Variants in FOXP4 observed in about 807,000 individuals in gnomAD.
FOXP4 encodes the protein forkhead box P4, also known as forkhead box protein P4.
In FOXP4, 25 loss-of-function variants were observed where a neutral mutation model predicts 82.6. The ratio of observed to expected loss-of-function variants is 0.30; its 90% confidence interval spans 0.22 to 0.42. FOXP4 has a LOEUF of 0.42. FOXP4 is among the 10% of genes least tolerant of loss of function. FOXP4 has a pLI of 1.00. For missense variants in FOXP4, 785 were observed against 900.9 expected (o/e 0.87, Z 1.65); for synonymous variants, 415 against 388.2 (o/e 1.07, Z -0.81).
intron 3 of FOXP4, among the ~76,000 whole-genome samples, chr6:41,581,232 C>T (rs1037877725): frequency 1.3e-5 from 2 of 152,206 alleles, no homozygotes; most frequent in African/African-American, 4.8e-5. Context: ...CCCCACATTG[C>T]CCCCCACTCA....
intron 12 of FOXP4, among the ~76,000 whole-genome samples, chr6:41,590,847 G>A (rs1228088470): frequency 6.6e-6 from 1 of 152,146 alleles, no homozygotes; most frequent in Non-Finnish European, 1.5e-5. Flanking sequence ...GCCAAAATCA[G>A]GATAAATTCC....
rs1482547481 is a variant in FOXP4, at chr6:41,594,926, C to T, written c.1593C>T (p.Val531=). The change falls in exon 14 of 17, where the codon GTC becomes GTT. Residue 531 remains valine, a synonymous_variant. Coordinates refer to ENST00000307972, the MANE Select transcript of FOXP4 (RefSeq NM_001012426.2). ...LHKCFVRVEN[V]KGAVWTVDER... ...AGTGCTTCGTCCGCGTGGAGAACGT[C>T]AAGGGTGCCGTGTGGACTGTGGACG... 2 of 1,614,208 alleles carry T rather than the reference C, an allele frequency of 1.2e-6. No individual in the cohort carries two copies. Among genetic ancestry groups the T allele is most frequent in the South Asian group, 1.1e-5 (1 of 91,080 alleles).
intron 1 of FOXP4, among the ~76,000 whole-genome samples, chr6:41,560,510 C>T (rs1323933510): frequency 6.6e-6 from 1 of 152,224 alleles, no homozygotes; most frequent in African/African-American, 2.4e-5. Context: ...GAACTGGGGC[C>T]TCATCTCCAC....
intron 1 of FOXP4, among the ~76,000 whole-genome samples, chr6:41,563,509 C>T (rs192955549): frequency 8.5e-5 from 13 of 152,224 alleles, no homozygotes; most frequent in Admixed American, 3.3e-4. Context: ...TGTGCCTAGG[C>T]CAAAAGAGAT....
chr6:41,591,110 CA>C lies in FOXP4; in HGVS notation c.1435-108del. 1 of 860,236 alleles carries C rather than the reference CA, an allele frequency of 1.2e-6. No individual in the cohort carries two copies. The highest frequency in any genetic ancestry group is 1.9e-6 in the Non-Finnish European group (1 of 530,750). 53.3% of individuals were successfully genotyped at this position (860,236 alleles called of 1,614,324 possible). A position where few individuals can be genotyped will look rare whatever the true frequency, so the allele number is the denominator to read the frequency against. Reference sequence around the variant, plus strand: ...ACACATTTCTGAGCAGGTCTTCTCACAAAGTGAACTCGGGGCTAGGCAGAAG... The same window carrying C: ...ACACATTTCTGAGCAGGTCTTCTCACAAGTGAACTCGGGGCTAGGCAGAAG... On this transcript the variant is annotated intron_variant, in intron 12 of 16. Coordinates refer to ENST00000307972, the MANE Select transcript of FOXP4 (RefSeq NM_001012426.2). The surrounding 1 kb of genome is among the most constrained non-coding windows in gnomAD (Gnocchi z 4.2).
At chr6:41,564,574 C>T (rs188190655) in intron 1 of FOXP4, among the ~76,000 whole-genome samples, 67 of 152,300 alleles carry the variant, frequency 4.4e-4, no homozygotes, top group Admixed American at 2.5e-3. Context: ...TTCAGCCACT[C>T]CTTGAGAGGC....
At chr6:41,551,039 A>G (rs1205638653) in intron 1 of FOXP4, among the ~76,000 whole-genome samples, 1 of 152,164 alleles carries the variant, frequency 6.6e-6, no homozygotes, top group Non-Finnish European at 1.5e-5. Context: ...GCCTCCCAGG[A>G]TTCTCTGTGG....
At chr6:41,560,886 G>A (rs1417429438) in intron 1 of FOXP4, among the ~76,000 whole-genome samples, 1 of 152,208 alleles carries the variant, frequency 6.6e-6, no homozygotes, top group African/African-American at 2.4e-5. Context: ...AGGTTTCTCC[G>A]CATGTGGGGT....
At position 41,566,920 on chromosome 6, in the gene FOXP4, CAT is replaced by C. The variant is rs563257170; in HGVS notation, c.204+957_204+958del. On this transcript the variant is annotated intron_variant, in intron 2 of 16. Coordinates refer to ENST00000307972, the MANE Select transcript of FOXP4 (RefSeq NM_001012426.2). ...ACACGTGTGTGTACCACAGTACCCT[CAT>C]GTGCTCCTCCATGGCCCTGCTGTCT... Among the ~76,000 whole-genome samples, 220 of 152,364 alleles carry C rather than the reference CAT, an allele frequency of 1.4e-3. No homozygotes were observed. The South Asian group carries it at 0.041, about 29-fold the overall frequency.
At chr6:41,575,176 G>T (rs1221749457) in intron 2 of FOXP4, among the ~76,000 whole-genome samples, 1 of 152,138 alleles carries the variant, frequency 6.6e-6, no homozygotes, top group Non-Finnish European at 1.5e-5. Context: ...CACCATGTTA[G>T]CCAGGATTGT....
chr6:41,550,783 G>A (rs1763952655), intron 1 of FOXP4, among the ~76,000 whole-genome samples: 1 of 152,204 alleles, frequency 6.6e-6, no homozygotes, highest in African/African-American at 2.4e-5. Context: ...CACTCCTAAG[G>A]TTCTTGTGAG....
At chr6:41,584,694 GAGA>G in intron 3 of FOXP4, 72 bp from the exon 4 acceptor site, 1 of 1,470,494 alleles carries the variant, frequency 6.8e-7, no homozygotes. Context: ...CTGCCACGCT[GAGA>G]GTGGGGCCCT....
intron 1 of FOXP4, among the ~76,000 whole-genome samples, chr6:41,557,001 G>T (rs1385735878): frequency 3.3e-5 from 5 of 152,208 alleles, no homozygotes; most frequent in Non-Finnish European, 7.3e-5. Context: ...CTGCCCATTA[G>T]TCTTTCTCCT....
chr6:41,591,071 C>G lies in FOXP4; in HGVS notation c.1435-150C>G. ...TCTGAGGGGACCCACCAGCCACCAC[C>G]CATCTTGTTATCCACACATTTCTGA... On this transcript the variant is annotated intron_variant, in intron 12 of 16. Coordinates refer to ENST00000307972, the MANE Select transcript of FOXP4 (RefSeq NM_001012426.2). The surrounding 1 kb of genome is among the most constrained non-coding windows in gnomAD (Gnocchi z 4.2). 4 of 671,800 alleles carry G rather than the reference C, an allele frequency of 6.0e-6. No individual in the cohort carries two copies. Among genetic ancestry groups the G allele is most frequent in the Non-Finnish European group, 7.9e-6 (3 of 381,022 alleles). The allele number at this position is 671,800 out of a possible 1,614,324, so 41.6% of individuals were successfully genotyped here.
chr6:41,586,755 G>A (rs764061569), intron 5 of FOXP4, among the ~76,000 whole-genome samples: 5 of 152,206 alleles, frequency 3.3e-5, no homozygotes, highest in Non-Finnish European at 5.9e-5. Context: ...GGAGGGCGTC[G>A]TGCTGCGTGT....
chr6:41,586,870 C>T (rs1008771524), intron 5 of FOXP4, 139 bp from the exon 6 acceptor site: 2 of 1,370,208 alleles, frequency 1.5e-6, no homozygotes, highest in South Asian at 1.5e-5. Context: ...GGAGCAGAGA[C>T]ACTGCAGCTG....
At chr6:41,579,517 C>A (rs1765679992) in intron 3 of FOXP4, among the ~76,000 whole-genome samples, 1 of 152,060 alleles carries the variant, frequency 6.6e-6, no homozygotes, top group African/African-American at 2.4e-5. Flanking sequence ...GGGCTGCTGA[C>A]CCAGGGGTAG....
At chr6:41,547,935 G>A (rs1367665790) in intron 1 of FOXP4, among the ~76,000 whole-genome samples, 1 of 152,244 alleles carries the variant, frequency 6.6e-6, no homozygotes, top group Non-Finnish European at 1.5e-5. Flanking sequence ...TGCGACCTGG[G>A]GTCCCGGCCG....
chr6:41,584,733 G>A, intron 3 of FOXP4, 36 bp from the exon 4 acceptor site: 2 of 1,548,510 alleles, frequency 1.3e-6, no homozygotes, highest in Non-Finnish European at 1.7e-6. Context: ...CTGGGTTGGG[G>A]TCCAGGGGAC....
Sources: allele counts gnomAD v4.1 joint callset (sites outside exome capture counted in the v4.1 genomes callset), GRCh38; gene constraint gnomAD v4.1.1; non-coding constraint Gnocchi (gnomAD v3.1); transcripts MANE v1.5; gene names NCBI Gene and HGNC (gene_info 2026-07-23, HGNC 2026-07-21).